Variants in TMEM120B observed in about 807,000 individuals in gnomAD.
TMEM120B encodes transmembrane protein 120B.
In TMEM120B, 31 loss-of-function variants were observed where a neutral mutation model predicts 55.5. The ratio of observed to expected loss-of-function variants is 0.56; its 90% CI spans 0.42 to 0.75. TMEM120B has a LOEUF of 0.75. Ranked by LOEUF, TMEM120B falls within the 30% of genes least tolerant of loss-of-function variation. The pLI, the probability that TMEM120B is intolerant of heterozygous loss-of-function variation, is 0.00. For synonymous variants in TMEM120B, 203 were observed against 176.3 expected (o/e 1.15, Z -1.20); for missense variants, 399 against 425.5 (o/e 0.94, Z 0.55).
intron 5 of TMEM120B, among the ~76,000 whole-genome samples, chr12:121,753,836 C>A (rs959458483): frequency 1.3e-5 from 2 of 152,234 alleles, no homozygotes; most frequent in African/African-American, 4.8e-5. Flanking sequence ...CCCTGCCTCA[C>A]AGGGCTGTGA....
Position 121,779,340 on chromosome 12 carries a change from A to C in TMEM120B, c.*3618A>C, listed in dbSNP as rs1592954200. 1.3e-6 allele frequency: 1 copy of C among 784,918 alleles called. No homozygotes were observed. The highest frequency in any genetic ancestry group is 2.7e-5 in the East Asian group (1 of 37,076). 48.6% of individuals were successfully genotyped at this position (784,918 alleles called of 1,614,324 possible). A position where few individuals can be genotyped will look rare whatever the true frequency, so the allele number is the denominator to read the frequency against. ...GAGGGGAGTTTGTGGTCAGAGCCCC[A>C]GCCAGGAAAGGAGAGAGTTCCAGAA... On this transcript the variant is annotated 3_prime_UTR_variant, in exon 12 of 12. Coordinates refer to ENST00000449592, the MANE Select transcript of TMEM120B (RefSeq NM_001080825.2).
chr12:121,758,949 C>T (rs559285820), intron 5 of TMEM120B: 332 of 983,416 alleles, frequency 3.4e-4, no homozygotes, highest in Admixed American at 5.6e-4. Flanking sequence ...CCCAGCCCCG[C>T]GCTGTGGTCA....
intron 5 of TMEM120B, among the ~76,000 whole-genome samples, chr12:121,753,529 C>T (rs906447572): frequency 1.3e-5 from 2 of 151,976 alleles, no homozygotes; most frequent in African/African-American, 4.8e-5. Flanking sequence ...CAAGATTGTG[C>T]CACTGCACTC....
At position 121,780,816 on chromosome 12, in the gene TMEM120B, A is replaced by C; in HGVS notation, c.*5094A>C. The C allele has an allele frequency of 6.4e-7, 1 of 1,558,590 alleles. No individual in the cohort carries two copies. Among genetic ancestry groups the C allele is most frequent in the Non-Finnish European group, 8.7e-7 (1 of 1,155,752 alleles). Reference sequence around the variant, plus strand: ...AAGGCACCCCAGTTGCAGAGGCCAAAGGTCCGGGAGGCTTCACAGCCACGG... The same window carrying C: ...AAGGCACCCCAGTTGCAGAGGCCAACGGTCCGGGAGGCTTCACAGCCACGG... On this transcript the variant is annotated 3_prime_UTR_variant, in exon 12 of 12. Transcript: ENST00000449592.
At chr12:121,723,632 A>G (rs1264905469) in intron 1 of TMEM120B, among the ~76,000 whole-genome samples, 1 of 152,140 alleles carries the variant, frequency 6.6e-6, no homozygotes, top group East Asian at 1.9e-4. Flanking sequence ...ACTCAACTGG[A>G]GGGCAGTTCC....
rs541470902 is a variant in TMEM120B at position 121,761,840 on chromosome 12, C to T, written c.551+102C>T. 6.9e-6 allele frequency: 6 copies of T among 874,738 alleles called. No individual in the cohort carries two copies. The African/African-American group carries it at 8.3e-5, about 12-fold the overall frequency. 54.2% of individuals were successfully genotyped at this position (874,738 alleles called of 1,614,324 possible). A position where few individuals can be genotyped will look rare whatever the true frequency, so the allele number is the denominator to read the frequency against. ...CGACACCCTCAGGCTGCATTCCTCT[C>T]CTCCTTGGGGGTTGCTCTGTGACTG... On this transcript the variant is annotated intron_variant, in intron 6 of 11. Transcript: ENST00000449592.
At position 121,775,807 on chromosome 12, in the gene TMEM120B, G is replaced by T; in HGVS notation, c.*85G>T. The T allele has an allele frequency of 6.9e-7, 1 of 1,444,068 alleles. No individual in the cohort carries two copies. Among genetic ancestry groups the T allele is most frequent in the Non-Finnish European group, 9.6e-7 (1 of 1,044,162 alleles). The allele number at this position is 1,444,068 out of a possible 1,614,324, so 89.5% of individuals were successfully genotyped here. A position where few individuals can be genotyped will look rare whatever the true frequency, so the allele number is the denominator to read the frequency against. On this transcript the variant is annotated 3_prime_UTR_variant, in exon 12 of 12. Coordinates refer to ENST00000449592, the MANE Select transcript of TMEM120B (RefSeq NM_001080825.2). This position sits in a 1 kb window ranked among gnomAD's most constrained non-coding sequence, Gnocchi z 4.3. ...TCCCAGCAGCCCTCTCAGGCCCGTG[G>T]CATCGCTGGGAGAGGGCCCAGGCCC...
intron 1 of TMEM120B, among the ~76,000 whole-genome samples, chr12:121,715,355 C>T (rs1186741021): frequency 2.6e-5 from 4 of 152,122 alleles, no homozygotes; most frequent in Non-Finnish European, 5.9e-5. Flanking sequence ...AAACAAAAAA[C>T]AGCAACAACA....
At position 121,775,563 on chromosome 12, in the gene TMEM120B, G is replaced by C; in HGVS notation, c.907-46G>C. The stretch of plus-strand genomic sequence containing the variant: ...CTGGGGTGCTGGGGGCAGGGGTTCA[G>C]CAGGGCAGATGCCCCAGCCTCGCCC... On this transcript the variant is annotated intron_variant, in intron 11 of 11. Coordinates refer to ENST00000449592, the MANE Select transcript of TMEM120B (RefSeq NM_001080825.2). The surrounding 1 kb of genome is among the most constrained non-coding windows in gnomAD (Gnocchi z 4.3). 1.9e-6 allele frequency: 3 copies of C among 1,583,888 alleles called. No individual in the cohort carries two copies. Among genetic ancestry groups the C allele is most frequent in the Non-Finnish European group, 2.6e-6 (3 of 1,163,298 alleles).
intron 1 of TMEM120B, among the ~76,000 whole-genome samples, chr12:121,732,091 C>T (rs561830190): frequency 2.0e-5 from 3 of 152,256 alleles, no homozygotes; most frequent in African/African-American, 7.2e-5. Context: ...GAGCAGAGAT[C>T]GGGCCATTGC....
intron 5 of TMEM120B, among the ~76,000 whole-genome samples, chr12:121,754,860 C>T (rs753508012): frequency 6.6e-6 from 1 of 152,144 alleles, no homozygotes; most frequent in Non-Finnish European, 1.5e-5. Flanking sequence ...ATTGGACGGG[C>T]CGTTCATCTC....
chr12:121,762,153 G>A (rs1027010479), intron 6 of TMEM120B, among the ~76,000 whole-genome samples: 16 of 151,808 alleles, frequency 1.1e-4, no homozygotes, highest in African/African-American at 3.6e-4. Context: ...TTAGCCGGGT[G>A]TGGTCCCAGC....
intron 1 of TMEM120B, among the ~76,000 whole-genome samples, chr12:121,737,741 G>T (rs966140013): frequency 6.6e-6 from 1 of 152,072 alleles, no homozygotes; most frequent in Non-Finnish European, 1.5e-5. Context: ...CAGGTGCAGT[G>T]TCTCACATCT....
chr12:121,765,900 C>T (rs1329306319), intron 6 of TMEM120B, among the ~76,000 whole-genome samples: 1 of 152,114 alleles, frequency 6.6e-6, no homozygotes, highest in Non-Finnish European at 1.5e-5. Context: ...GCAGGAGAGC[C>T]TGTGTGGAGG....
intron 10 of TMEM120B, 61 bp downstream of exon 10, chr12:121,774,783 T>C: frequency 6.4e-7 from 1 of 1,559,606 alleles, no homozygotes; most frequent in Non-Finnish European, 8.8e-7. Flanking sequence ...GAACAGAAGG[T>C]CTTCAGGCCT....
intron 1 of TMEM120B, among the ~76,000 whole-genome samples, chr12:121,714,626 A>G (rs968372051): frequency 7.4e-6 from 1 of 135,536 alleles, no homozygotes; most frequent in Non-Finnish European, 1.5e-5. Flanking sequence ...CAGTGGCACG[A>G]TCGTGGCTCA....
chr12:121,768,310 CTGT>C (rs1185223048), intron 6 of TMEM120B, among the ~76,000 whole-genome samples: 1 of 152,184 alleles, frequency 6.6e-6, no homozygotes, highest in Non-Finnish European at 1.5e-5. Context: ...TATTGAGTGC[CTGT>C]TGTTTACCTG....
At chr12:121,749,384 A>G (rs895781737) in intron 3 of TMEM120B, among the ~76,000 whole-genome samples, 1 of 152,216 alleles carries the variant, frequency 6.6e-6, no homozygotes, top group Non-Finnish European at 1.5e-5. Context: ...TGCAAACGAT[A>G]GAAAACCCAA....
intron 6 of TMEM120B, among the ~76,000 whole-genome samples, chr12:121,762,416 CTATT>C (rs1026283138): frequency 5.3e-5 from 8 of 152,204 alleles, no homozygotes; most frequent in Non-Finnish European, 8.8e-5. Flanking sequence ...GCTCATGTCA[CTATT>C]TATAGCATTC....
Sources: allele counts gnomAD v4.1 joint callset (sites outside exome capture counted in the v4.1 genomes callset), GRCh38; gene constraint gnomAD v4.1.1; non-coding constraint Gnocchi (gnomAD v3.1); transcripts MANE v1.5; gene names NCBI Gene and HGNC (gene_info 2026-07-23, HGNC 2026-07-21).